The following GNG12 variants were observed in gnomAD, a reference collection of about 807,000 sequenced individuals.
The protein encoded by GNG12 is guanine nucleotide-binding protein G(I)/G(S)/G(O) subunit gamma-12.
For missense variants in GNG12, 69 were observed against 83.8 expected, an observed-to-expected ratio of 0.82 and a Z score of 0.69; for synonymous variants, 28 against 29.7, an observed-to-expected ratio of 0.94 and a Z score of 0.19.
At chr1:67,709,912 TTATA>T (rs771838180) in intron 2 of GNG12, among the ~76,000 whole-genome samples, 5 of 50,300 alleles carry the variant, frequency 9.9e-5, no homozygotes, top group South Asian at 6.7e-4. Context: ...TTTTATATAG[TTATA>T]TATATAGTTA....
chr1:67,734,770 G>A (rs750664879), intron 2 of GNG12, among the ~76,000 whole-genome samples: 1 of 152,226 alleles, frequency 6.6e-6, no homozygotes, highest in Non-Finnish European at 1.5e-5. Flanking sequence ...AGGACTACAG[G>A]CACACTACAG....
At chr1:67,771,272 C>A (rs911702376) in intron 2 of GNG12, among the ~76,000 whole-genome samples, 1 of 152,250 alleles carries the variant, frequency 6.6e-6, no homozygotes, top group African/African-American at 2.4e-5. Context: ...GTGCCAGGCA[C>A]TGGGCCATGG....
chr1:67,739,376 C>T (rs115557326), intron 2 of GNG12, among the ~76,000 whole-genome samples: 21 of 152,002 alleles, frequency 1.4e-4, no homozygotes, highest in East Asian at 1.4e-3. Flanking sequence ...AGGTGATATC[C>T]GCAGAGAGTT....
intron 1 of GNG12, among the ~76,000 whole-genome samples, chr1:67,782,890 A>T (rs895577891): frequency 1.3e-5 from 2 of 152,252 alleles, no homozygotes; most frequent in Non-Finnish European, 2.9e-5. Context: ...TGATAGAAAC[A>T]TGTGTTTTTA....
At chr1:67,795,397 C>T (rs1300639381) in intron 1 of GNG12, among the ~76,000 whole-genome samples, 1 of 152,198 alleles carries the variant, frequency 6.6e-6, no homozygotes, top group Non-Finnish European at 1.5e-5. Flanking sequence ...AGGCTGCTGT[C>T]TGAACTGCGA....
chr1:67,759,005 A>G (rs1319743420), intron 2 of GNG12, among the ~76,000 whole-genome samples: 1 of 152,232 alleles, frequency 6.6e-6, no homozygotes, highest in African/African-American at 2.4e-5. Flanking sequence ...AATTTATTGT[A>G]TATTTCAAAA....
chr1:67,753,797 G>C (rs1203352199), intron 2 of GNG12, among the ~76,000 whole-genome samples: 1 of 152,222 alleles, frequency 6.6e-6, no homozygotes, highest in Non-Finnish European at 1.5e-5. Flanking sequence ...GGAAAACGGG[G>C]AGCTACTTCT....
At chr1:67,796,555 T>C (rs1646832364) in intron 1 of GNG12, among the ~76,000 whole-genome samples, 1 of 152,088 alleles carries the variant, frequency 6.6e-6, no homozygotes, top group Non-Finnish European at 1.5e-5. Context: ...CAATACAGAG[T>C]GTATGACAGA....
intron 1 of GNG12, 36 bp from the exon 2 acceptor site, chr1:67,777,543 T>C: frequency 2.1e-6 from 1 of 484,596 alleles, no homozygotes; most frequent in South Asian, 8.9e-5. Flanking sequence ...CATAAGTAAA[T>C]CACATTTGGA....
chr1:67,820,622 C>T (rs908189206), intron 1 of GNG12, among the ~76,000 whole-genome samples: 2 of 152,132 alleles, frequency 1.3e-5, no homozygotes, highest in African/African-American at 4.8e-5. Context: ...GACAGCAAAA[C>T]GGTGCCATGA....
chr1:67,790,131 G>A (rs1161975298), intron 1 of GNG12, among the ~76,000 whole-genome samples: 1 of 152,030 alleles, frequency 6.6e-6, no homozygotes, highest in Non-Finnish European at 1.5e-5. Context: ...TCCACTCAAA[G>A]CCACAACTCA....
At chr1:67,787,939 C>T (rs553000123) in intron 1 of GNG12, among the ~76,000 whole-genome samples, 1 of 152,278 alleles carries the variant, frequency 6.6e-6, no homozygotes, top group Non-Finnish European at 1.5e-5. Flanking sequence ...CCCTCAGTGC[C>T]ATGCAAGCCA....
chr1:67,823,135 G>A (rs1263580341), intron 1 of GNG12, among the ~76,000 whole-genome samples: 2 of 152,034 alleles, frequency 1.3e-5, no homozygotes, highest in African/African-American at 2.4e-5. Context: ...AACAAAATAC[G>A]GCATGTATAA....
In GNG12 at chr1:67,765,099, A is replaced by G. The variant is rs188618518; in HGVS notation, c.-27+12359T>C. On this transcript the variant is annotated intron_variant, in intron 2 of 3. Coordinates refer to ENST00000370982, the MANE Select transcript of GNG12 (RefSeq NM_018841.6). ...ATTAAAGTAGACAAAATATATAAGA[A>G]TATTATCAATAGTCATTAGATGCCC... is the stretch of plus-strand genomic sequence containing the variant. Among the ~76,000 whole-genome samples the G allele has an allele frequency of 3.3e-5, 5 of 152,328 alleles. No individual in the cohort carries two copies. The East Asian group carries it at 9.6e-4, about 29-fold the overall frequency.
chr1:67,713,194 G>A (rs1646306411), intron 2 of GNG12, among the ~76,000 whole-genome samples: 1 of 152,198 alleles, frequency 6.6e-6, no homozygotes, highest in African/African-American at 2.4e-5. Context: ...CAGATCTTGA[G>A]CCACCAAGTA....
At chr1:67,831,675 G>A (rs1647045952) in intron 1 of GNG12, among the ~76,000 whole-genome samples, 1 of 152,162 alleles carries the variant, frequency 6.6e-6, no homozygotes, top group Non-Finnish European at 1.5e-5. Flanking sequence ...TTATCTGAAA[G>A]TCCTTTTATC....
chr1:67,747,582 T>C (rs1646514631), intron 2 of GNG12, among the ~76,000 whole-genome samples: 1 of 152,252 alleles, frequency 6.6e-6, no homozygotes, highest in Non-Finnish European at 1.5e-5. Context: ...TACATGAAAT[T>C]GGGCTATTTT....
At chr1:67,794,601 T>C (rs1370239977) in intron 1 of GNG12, among the ~76,000 whole-genome samples, 1 of 152,226 alleles carries the variant, frequency 6.6e-6, no homozygotes, top group Non-Finnish European at 1.5e-5. Context: ...TTTATGAAGA[T>C]GTGGAGAAAC....
intron 2 of GNG12, among the ~76,000 whole-genome samples, chr1:67,731,645 T>G (rs1041495969): frequency 6.6e-6 from 1 of 152,196 alleles, no homozygotes; most frequent in Non-Finnish European, 1.5e-5. Flanking sequence ...GGGTGTAGAC[T>G]GGAATCAGAA....
Sources: gnomAD v4.1 joint callset for allele counts (sites outside exome capture counted in the v4.1 genomes callset) on GRCh38, gnomAD v4.1.1 for gene constraint, MANE v1.5 for transcripts, NCBI Gene and HGNC (gene_info 2026-07-23, HGNC 2026-07-21) for gene names.